The following TENM3 variants were observed in gnomAD, a reference collection of about 807,000 sequenced individuals.
TENM3 encodes the protein teneurin-3.
A neutral mutation model predicts 255.1 loss-of-function variants in TENM3; 63 were observed. The ratio of observed to expected loss-of-function variants is 0.25; its 90% CI spans 0.20 to 0.30. TENM3 has a LOEUF of 0.30. Among genes scored for constraint, TENM3 ranks in the 10% least tolerant of loss-of-function variants. The pLI, the probability that TENM3 is intolerant of heterozygous loss-of-function variation, is 1.00. For missense variants in TENM3, 2,929 were observed against 3,461.1 expected (o/e 0.85, Z 3.86); for synonymous variants, 1,306 against 1,322.3 (o/e 0.99, Z 0.27).
At chr4:182,333,790 A>G (rs542732650) in intron 2 of TENM3, among the ~76,000 whole-genome samples, 1 of 152,232 alleles carries the variant, frequency 6.6e-6, no homozygotes, top group African/African-American at 2.4e-5. Context: ...TTTGTTAAAG[A>G]TATGGTTGTA....
At chr4:181,447,948 T>C in the TENM3 span, among the ~76,000 whole-genome samples, 4 of 152,026 alleles carry the variant, frequency 2.6e-5, no homozygotes, top group East Asian at 7.8e-4. Context: ...AGTACTTCTG[T>C]AAATCAATTA....
At position 182,755,275 on chromosome 4, in the gene TENM3, T is replaced by C; in HGVS notation, c.4892+16T>C. ...CGTTTTTTGAGTAAGTATATGAAAATTCTACTCTGATTATAAAATACTGTG... is the reference window on the plus strand; with the variant it reads ...CGTTTTTTGAGTAAGTATATGAAAACTCTACTCTGATTATAAAATACTGTG... On this transcript the variant is annotated intron_variant, in intron 22 of 27. Transcript: ENST00000511685. 6.4e-7 allele frequency: 1 copy of C among 1,558,582 alleles called. No homozygotes were observed. Among genetic ancestry groups the C allele is most frequent in the Non-Finnish European group, 8.6e-7 (1 of 1,158,722 alleles).
At chr4:181,572,951 G>GT in the TENM3 span, among the ~76,000 whole-genome samples, 1 of 152,062 alleles carries the variant, frequency 6.6e-6, no homozygotes, top group Non-Finnish European at 1.5e-5. Flanking sequence ...GAGTTCAATG[G>GT]TTTTAACTTT....
At chr4:181,800,563 G>C in the TENM3 span, among the ~76,000 whole-genome samples, 2 of 152,114 alleles carry the variant, frequency 1.3e-5, no homozygotes, top group African/African-American at 4.8e-5. Flanking sequence ...AACCCGGGAG[G>C]TGGAGGTTGC....
chr4:181,653,964 T>C, the TENM3 span, among the ~76,000 whole-genome samples: 1 of 152,042 alleles, frequency 6.6e-6, no homozygotes, highest in South Asian at 2.1e-4. Flanking sequence ...GTGGTCTCAA[T>C]GCCTGTCCTT....
intron 11 of TENM3, among the ~76,000 whole-genome samples, chr4:182,684,962 G>A (rs1369376652): frequency 6.6e-6 from 1 of 152,088 alleles, no homozygotes; most frequent in Non-Finnish European, 1.5e-5. Context: ...AGAAGCTTGG[G>A]TGACATCTCT....
chr4:182,591,989 T>G (rs1746697379), intron 3 of TENM3, among the ~76,000 whole-genome samples: 1 of 152,168 alleles, frequency 6.6e-6, no homozygotes, highest in African/African-American at 2.4e-5. Context: ...CCTAATTTTT[T>G]TCCTTCAGAG....
intron 1 of TENM3, among the ~76,000 whole-genome samples, chr4:182,298,800 C>G (rs1761653188): frequency 6.6e-6 from 1 of 151,430 alleles, no homozygotes; most frequent in Non-Finnish European, 1.5e-5. Context: ...TGGTGAAACC[C>G]CATCTCTACC....
At chr4:181,883,514 G>T in the TENM3 span, among the ~76,000 whole-genome samples, 1 of 152,076 alleles carries the variant, frequency 6.6e-6, no homozygotes, top group Non-Finnish European at 1.5e-5. Flanking sequence ...TCTGTCTGTC[G>T]CCCAGGCTGG....
the TENM3 span, among the ~76,000 whole-genome samples, chr4:181,613,802 A>G: frequency 6.6e-6 from 1 of 152,196 alleles, no homozygotes; most frequent in African/African-American, 2.4e-5. Context: ...TCACTTTAAC[A>G]TTAAGATGTG....
rs540650303 is a variant in TENM3 at position 182,742,222 on chromosome 4, A to G, written c.3380-948A>G. The stretch of plus-strand genomic sequence containing the variant: ...CAATGGCAAAAGCAATAAAATTACA[A>G]TCTCAACTCAAATCTAATTTCTAAC... On this transcript the variant is annotated intron_variant, in intron 18 of 27. Coordinates refer to ENST00000511685, the MANE Select transcript of TENM3 (RefSeq NM_001080477.4). 7.0e-4 allele frequency among the ~76,000 whole-genome samples: 106 copies of G among 152,374 alleles called. 2 individuals carry two copies. In the South Asian group the frequency reaches 0.022, roughly 31 times the overall value.
chr4:182,323,818 T>C, intron 1 of TENM3, 128 bp from the exon 2 acceptor site: 1 of 588,764 alleles, frequency 1.7e-6, no homozygotes, highest in Non-Finnish European at 3.0e-6. Flanking sequence ...ACTAATTTCT[T>C]GTTGAAAGCA....
At chr4:181,456,131 G>A in the TENM3 span, among the ~76,000 whole-genome samples, 35 of 143,528 alleles carry the variant, frequency 2.4e-4, no homozygotes, top group South Asian at 4.4e-4. Context: ...ATATATATGT[G>A]TGTGTGTGTG....
At chr4:182,606,510 G>C (rs2152422939) in intron 4 of TENM3, among the ~76,000 whole-genome samples, 1 of 142,078 alleles carries the variant, frequency 7.0e-6, no homozygotes, top group South Asian at 2.4e-4. Flanking sequence ...GGCGACAGAG[G>C]GAGACTCTGT....
the TENM3 span, among the ~76,000 whole-genome samples, chr4:182,076,445 AC>A: frequency 6.6e-6 from 1 of 151,596 alleles, no homozygotes; most frequent in African/African-American, 2.4e-5. Context: ...CTCGTGATCC[AC>A]CTGCCTCGGC....
chr4:182,141,625 A>T (rs1168164298), upstream of TENM3: 1 of 152,208 alleles, frequency 6.6e-6, no homozygotes, highest in Non-Finnish European at 1.5e-5. Flanking sequence ...GGCCGTATTA[A>T]TGAGTTCTAG....
chr4:181,655,227 T>C, the TENM3 span, among the ~76,000 whole-genome samples: 1 of 152,252 alleles, frequency 6.6e-6, no homozygotes, highest in Admixed American at 6.5e-5. Flanking sequence ...TAACATGGTG[T>C]CCAAGGAGCG....
chr4:182,290,290 C>T (rs1276132740), intron 1 of TENM3, among the ~76,000 whole-genome samples: 3 of 152,132 alleles, frequency 2.0e-5, no homozygotes, highest in African/African-American at 7.2e-5. Context: ...GTACTGCTTT[C>T]AGGGCAGCCC....
At chr4:181,995,701 A>G in the TENM3 span, among the ~76,000 whole-genome samples, 1 of 152,158 alleles carries the variant, frequency 6.6e-6, no homozygotes, top group Non-Finnish European at 1.5e-5. Context: ...TACTTGCTAT[A>G]GATTAGCTTC....
Sources: gnomAD v4.1 joint callset for allele counts (sites outside exome capture counted in the v4.1 genomes callset) on GRCh38, gnomAD v4.1.1 for gene constraint, MANE v1.5 for transcripts, NCBI Gene and HGNC (gene_info 2026-07-23, HGNC 2026-07-21) for gene names.